POFUT3: variants seen among roughly 807,000 people sequenced by gnomAD.
POFUT3 encodes protein O-fucosyltransferase 3, also known as GDP-fucose protein O-fucosyltransferase 3.
At chr8:33,361,118 C>A in the POFUT3 span, 1 of 152,192 alleles carries the variant, frequency 6.6e-6, no homozygotes, top group Non-Finnish European at 1.5e-5. Context: ...AGATAAAATT[C>A]ATCACCTTTT....
chr8:33,413,566 C>T, the POFUT3 span, among the ~76,000 whole-genome samples: 1 of 152,068 alleles, frequency 6.6e-6, no homozygotes, highest in Non-Finnish European at 1.5e-5. Flanking sequence ...TATAGCAGCC[C>T]AAACGGACAA....
At chr8:33,392,996 C>T in the POFUT3 span, among the ~76,000 whole-genome samples, 244 of 151,540 alleles carry the variant, frequency 1.6e-3, 1 homozygote, top group Non-Finnish European at 2.9e-3. Context: ...CAAAACAAAA[C>T]AAAACAAAAA....
At chr8:33,346,310 C>A in the POFUT3 span, among the ~76,000 whole-genome samples, 1 of 152,192 alleles carries the variant, frequency 6.6e-6, no homozygotes. Context: ...TTGGTTTACA[C>A]TGTCAGCCAA....
chr8:33,420,571 G>C, the POFUT3 span, among the ~76,000 whole-genome samples: 1 of 152,146 alleles, frequency 6.6e-6, no homozygotes, highest in East Asian at 1.9e-4. Context: ...TGTAAACAAT[G>C]ATTTCTGATG....
At chr8:33,385,825 A>C in the POFUT3 span, among the ~76,000 whole-genome samples, 2,865 of 152,170 alleles carry the variant, frequency 0.019, 77 homozygotes, top group African/African-American at 0.066. Context: ...GAAAATAAAA[A>C]ATGAAACATA....
the POFUT3 span, among the ~76,000 whole-genome samples, chr8:33,341,468 A>G: frequency 6.6e-6 from 1 of 151,652 alleles, no homozygotes; most frequent in Non-Finnish European, 1.5e-5. Flanking sequence ...GAAAGAAAAT[A>G]TCCAAATACT....
At chr8:33,322,036 A>C in the POFUT3 span, among the ~76,000 whole-genome samples, 1 of 152,256 alleles carries the variant, frequency 6.6e-6, no homozygotes, top group East Asian at 1.9e-4. Flanking sequence ...ACACATGATC[A>C]ACCCTCAACA....
At chr8:33,323,950 C>A in the POFUT3 span, among the ~76,000 whole-genome samples, 11 of 152,130 alleles carry the variant, frequency 7.2e-5, no homozygotes, top group East Asian at 3.8e-4. Context: ...GACTCAAGTA[C>A]AATAGACATG....
the POFUT3 span, among the ~76,000 whole-genome samples, chr8:33,322,484 A>G: frequency 6.6e-6 from 1 of 152,004 alleles, no homozygotes; most frequent in Non-Finnish European, 1.5e-5. Flanking sequence ...AGGATTGATG[A>G]CTCTGATAAG....
chr8:33,366,240 C>T, the POFUT3 span, among the ~76,000 whole-genome samples: 5 of 152,254 alleles, frequency 3.3e-5, 1 homozygote, highest in Admixed American at 2.0e-4. Context: ...GGGAACATCA[C>T]ACACCAGGGC....
At chr8:33,405,244 G>A in the POFUT3 span, among the ~76,000 whole-genome samples, 7 of 151,918 alleles carry the variant, frequency 4.6e-5, no homozygotes, top group African/African-American at 1.7e-4. Flanking sequence ...AGTGAGCCGA[G>A]ATTGTGCCAC....
At chr8:33,319,259 T>TG in the POFUT3 span, among the ~76,000 whole-genome samples, 16 of 70,462 alleles carry the variant, frequency 2.3e-4, 4 homozygotes, top group African/African-American at 1.3e-3. Flanking sequence ...ATTTTATATA[T>TG]TTTATATAAT....
At chr8:33,388,247 A>C in the POFUT3 span, among the ~76,000 whole-genome samples, 1 of 150,152 alleles carries the variant, frequency 6.7e-6, no homozygotes, top group Non-Finnish European at 1.5e-5. Context: ...TCAGTGTGAG[A>C]GGTCTGGCAG....
At chr8:33,308,208 A>G in the POFUT3 span, among the ~76,000 whole-genome samples, 1 of 152,212 alleles carries the variant, frequency 6.6e-6, no homozygotes, top group Admixed American at 6.5e-5. Context: ...AATAAGATAA[A>G]GATGTATACT....
the POFUT3 span, among the ~76,000 whole-genome samples, chr8:33,321,309 C>T: frequency 3.3e-5 from 5 of 152,106 alleles, no homozygotes; most frequent in Non-Finnish European, 5.9e-5. Flanking sequence ...GAAGATACAG[C>T]TGAAGGGTTT....
chr8:33,389,510 T>A, the POFUT3 span: 129 of 1,614,060 alleles, frequency 8.0e-5, no homozygotes, highest in Non-Finnish European at 1.0e-4. Flanking sequence ...TGATGGTGGG[T>A]CACAGTCTGA....
the POFUT3 span, among the ~76,000 whole-genome samples, chr8:33,379,864 T>TAAAATATATATATATATATATAA: frequency 2.4e-4 from 30 of 124,054 alleles, no homozygotes; most frequent in African/African-American, 9.7e-4. Flanking sequence ...TATATATATA[T>TAAAATATATATATATATATATAA]AATATATATA....
the POFUT3 span, among the ~76,000 whole-genome samples, chr8:33,394,810 C>T: frequency 6.6e-6 from 1 of 152,140 alleles, no homozygotes; most frequent in Non-Finnish European, 1.5e-5. Context: ...CAATGTCCCC[C>T]AACACACCTG....
At chr8:33,399,794 C>G in the POFUT3 span, among the ~76,000 whole-genome samples, 1 of 152,114 alleles carries the variant, frequency 6.6e-6, no homozygotes, top group African/African-American at 2.4e-5. Context: ...ACTGGGACTA[C>G]AGACGTGCAC....
Sources: allele counts gnomAD v4.1 joint callset (sites outside exome capture counted in the v4.1 genomes callset), GRCh38; gene constraint gnomAD v4.1.1; transcripts MANE v1.5; gene names NCBI Gene and HGNC (gene_info 2026-07-23, HGNC 2026-07-21).